The following CALN1 variants were observed in gnomAD, a reference collection of about 807,000 sequenced individuals.
CALN1 encodes calneuron 1, also known as calcium-binding protein 8.
Under a neutral mutation model 30.6 loss-of-function variants are expected in CALN1, and 17 were observed. That is an observed-to-expected ratio of 0.56 (90% CI 0.38 to 0.83). The LOEUF is 0.83. CALN1 is among the 40% of genes least tolerant of loss of function. The pLI is 0.00. For missense variants in CALN1, 291 were observed against 354.9 expected (o/e 0.82, Z 1.45); for synonymous variants, 156 against 131.4 (o/e 1.19, Z -1.28).
At chr7:72,148,127 A>C (rs1387119596) in intron 3 of CALN1, among the ~76,000 whole-genome samples, 1 of 146,948 alleles carries the variant, frequency 6.8e-6, no homozygotes. Flanking sequence ...CCAACCAACC[A>C]ACCAAACAAA....
chr7:71,916,661 C>A (rs1794702197), intron 5 of CALN1, among the ~76,000 whole-genome samples: 1 of 151,940 alleles, frequency 6.6e-6, no homozygotes. Flanking sequence ...ACACACTGGG[C>A]ACCTGTGCTG....
Position 72,364,634 on chromosome 7 carries a change from C to G in CALN1, c.119+38617G>C, listed in dbSNP as rs549946469. Among the ~76,000 whole-genome samples, 3 of 152,222 alleles carry G rather than the reference C, an allele frequency of 2.0e-5. No individual in the cohort carries two copies. In the South Asian group the frequency reaches 6.2e-4, roughly 32 times the overall value. On this transcript the variant is annotated intron_variant, in intron 2 of 6. Transcript: ENST00000395275. ...TATTCTCAGTACGGAAACAGACAAACATAGATCCTCAGGAATTCTGAATAT... is the reference window on the plus strand; with the variant it reads ...TATTCTCAGTACGGAAACAGACAAAGATAGATCCTCAGGAATTCTGAATAT...
At chr7:72,411,155 T>TC (rs1807111814) in intron 1 of CALN1, among the ~76,000 whole-genome samples, 1 of 152,116 alleles carries the variant, frequency 6.6e-6, no homozygotes, top group Non-Finnish European at 1.5e-5. Flanking sequence ...TTTACAGATT[T>TC]GAAAAAAACT....
At chr7:72,226,212 T>A (rs1269977595) in intron 3 of CALN1, among the ~76,000 whole-genome samples, 2 of 151,520 alleles carry the variant, frequency 1.3e-5, no homozygotes, top group Non-Finnish European at 2.9e-5. Context: ...AGCATTGCAC[T>A]CCAACCTGGG....
At chr7:72,338,525 G>GTGTGTCTGTC in intron 2 of CALN1, among the ~76,000 whole-genome samples, 2,299 of 122,284 alleles carry the variant, frequency 0.019, 118 homozygotes, top group Non-Finnish European at 0.022. Flanking sequence ...GTGTGTGTGT[G>GTGTGTCTGTC]TGTCTCACCT....
chr7:71,865,566 T>C (rs1396973232), intron 5 of CALN1, among the ~76,000 whole-genome samples: 1 of 152,264 alleles, frequency 6.6e-6, no homozygotes, highest in Admixed American at 6.5e-5. Context: ...GGTTCTTCCC[T>C]GCCTCGTTGG....
intron 3 of CALN1, among the ~76,000 whole-genome samples, chr7:72,146,000 C>A (rs1245297364): frequency 1.3e-5 from 2 of 152,142 alleles, no homozygotes; most frequent in Non-Finnish European, 2.9e-5. Flanking sequence ...CTATGACAAA[C>A]CCACAGCCAG....
chr7:71,850,787 G>T (rs2116585327), intron 5 of CALN1, among the ~76,000 whole-genome samples: 1 of 152,258 alleles, frequency 6.6e-6, no homozygotes, highest in South Asian at 2.1e-4. Flanking sequence ...ATAAAGAACA[G>T]AATAAAATCT....
At chr7:72,451,209 A>AAGAAGAAGGAGG (rs747175718), upstream of CALN1, among the ~76,000 whole-genome samples, 44 of 126,116 alleles carry the variant, frequency 3.5e-4, no homozygotes, top group African/African-American at 1.6e-3. Context: ...GAAGAAGAAG[A>AAGAAGAAGGAGG]AGGAGGAGGA....
chr7:72,317,766 T>A (rs1197527988), intron 2 of CALN1, among the ~76,000 whole-genome samples: 5 of 152,066 alleles, frequency 3.3e-5, no homozygotes, highest in Non-Finnish European at 7.4e-5. Flanking sequence ...GAAAAAGAAC[T>A]CAATGTCTCC....
At chr7:71,882,852 G>T (rs796367983) in intron 5 of CALN1, among the ~76,000 whole-genome samples, 3 of 114,682 alleles carry the variant, frequency 2.6e-5, no homozygotes, top group East Asian at 2.4e-4. Flanking sequence ...CATCTAATTT[G>T]TGTGTGTGTG....
chr7:72,092,946 A>G (rs188699064), intron 4 of CALN1, among the ~76,000 whole-genome samples: 374 of 152,284 alleles, frequency 2.5e-3, no homozygotes, highest in Non-Finnish European at 3.6e-3. Context: ...AGACCCAACC[A>G]ACTCGCGATG....
intron 5 of CALN1, among the ~76,000 whole-genome samples, chr7:71,986,779 G>C (rs890210207): frequency 2.0e-5 from 3 of 152,118 alleles, no homozygotes; most frequent in African/African-American, 7.2e-5. Context: ...ATATAACATG[G>C]TGTTTCCTAT....
intron 4 of CALN1, among the ~76,000 whole-genome samples, chr7:72,058,201 G>A (rs542658530): frequency 2.0e-4 from 30 of 151,770 alleles, no homozygotes; most frequent in African/African-American, 6.0e-4. Flanking sequence ...CTGGATGATC[G>A]TAAGTGCAAT....
At chr7:72,130,970 A>T (rs1483814445) in intron 3 of CALN1, among the ~76,000 whole-genome samples, 4 of 152,212 alleles carry the variant, frequency 2.6e-5, no homozygotes, top group Non-Finnish European at 5.9e-5. Flanking sequence ...AAAGTAACCC[A>T]CTAATTCCTA....
At chr7:71,792,127 T>C (rs1208876046) in intron 6 of CALN1, among the ~76,000 whole-genome samples, 1 of 152,234 alleles carries the variant, frequency 6.6e-6, no homozygotes, top group Non-Finnish European at 1.5e-5. Flanking sequence ...CACTAATTCA[T>C]GCGTTTCCTG....
chr7:72,272,356 G>A (rs936760797), intron 3 of CALN1, among the ~76,000 whole-genome samples: 9 of 152,098 alleles, frequency 5.9e-5, no homozygotes, highest in Admixed American at 5.9e-4. Context: ...GAGGTCAGAA[G>A]TTCGAGACCA....
At chr7:72,408,294 A>G (rs1306105328) in intron 1 of CALN1, among the ~76,000 whole-genome samples, 13 of 144,886 alleles carry the variant, frequency 9.0e-5, no homozygotes, top group African/African-American at 3.3e-4. Context: ...AAAAAAAATT[A>G]GTAGTGCGTG....
At chr7:72,166,754 G>T (rs375902943) in intron 3 of CALN1, among the ~76,000 whole-genome samples, 1 of 152,138 alleles carries the variant, frequency 6.6e-6, no homozygotes, top group South Asian at 2.1e-4. Flanking sequence ...AAAATACCAA[G>T]GTAGTCCAGG....
Sources: gnomAD v4.1 joint callset for allele counts (sites outside exome capture counted in the v4.1 genomes callset) on GRCh38, gnomAD v4.1.1 for gene constraint, MANE v1.5 for transcripts, NCBI Gene and HGNC (gene_info 2026-07-23, HGNC 2026-07-21) for gene names.